Variants in TMEM135 observed in about 807,000 individuals in gnomAD.
TMEM135 encodes the protein transmembrane protein 135.
Under a neutral mutation model 60.3 loss-of-function variants are expected in TMEM135, and 30 were observed. The ratio of observed to expected loss-of-function variants is 0.50; its 90% confidence interval spans 0.37 to 0.68. The LOEUF is 0.68. Ranked by LOEUF, TMEM135 falls within the 30% of genes least tolerant of loss-of-function variation. TMEM135 has a pLI of 0.00. For synonymous variants in TMEM135, 190 were observed against 186.7 expected, an observed-to-expected ratio of 1.02 and a Z score of -0.14; for missense variants, 468 against 548.8, an observed-to-expected ratio of 0.85 and a Z score of 1.47.
At position 87,101,266 on chromosome 11, in the gene TMEM135, A is replaced by G. The variant is rs559406672; in HGVS notation, c.396+9871A>G. On this transcript the variant is annotated intron_variant, in intron 4 of 14. Transcript: ENST00000305494. ...TACCCATAAGAGAACACTTGCTGTT[A>G]GAATTTAACTTTGCCACAGTATGAT... is the stretch of plus-strand genomic sequence containing the variant. 8.5e-5 allele frequency among the ~76,000 whole-genome samples: 13 copies of G among 152,332 alleles called. No individual in the cohort carries two copies. In the South Asian group the frequency reaches 2.7e-3, roughly 32 times the overall value.
intron 6 of TMEM135, among the ~76,000 whole-genome samples, chr11:87,251,668 C>T (rs1230639807): frequency 1.3e-5 from 2 of 152,006 alleles, no homozygotes; most frequent in African/African-American, 2.4e-5. Context: ...AACCTTCCTA[C>T]ATGTGATATA....
intron 1 of TMEM135, among the ~76,000 whole-genome samples, chr11:87,051,570 A>T (rs1299718737): frequency 1.5e-5 from 1 of 65,182 alleles, no homozygotes; most frequent in South Asian, 4.8e-4. Context: ...CAATTGCTTC[A>T]AAGAGAATAA....
intron 6 of TMEM135, among the ~76,000 whole-genome samples, chr11:87,247,251 G>A (rs764708583): frequency 3.9e-5 from 6 of 152,256 alleles, no homozygotes; most frequent in Admixed American, 6.5e-5. Flanking sequence ...GTGAGGTGTC[G>A]GTCTGCCCCT....
intron 6 of TMEM135, 124 bp from the exon 7 acceptor site, chr11:87,295,658 C>G: frequency 1.4e-6 from 1 of 725,522 alleles, no homozygotes; most frequent in Non-Finnish European, 2.3e-6. Context: ...TTTGACCATT[C>G]ATAATGTTCA....
At chr11:87,157,509 A>G in intron 5 of TMEM135, 103 bp downstream of exon 5, 1 of 1,008,434 alleles carries the variant, frequency 9.9e-7, no homozygotes, top group South Asian at 1.3e-5. Flanking sequence ...TAAGAAATAG[A>G]GAGATATCTG....
At chr11:87,209,182 A>G (rs1334288300) in intron 5 of TMEM135, among the ~76,000 whole-genome samples, 2 of 152,216 alleles carry the variant, frequency 1.3e-5, no homozygotes, top group Admixed American at 1.3e-4. Flanking sequence ...CAATGACAGG[A>G]TCAAATCCTC....
chr11:87,159,545 A>G (rs1479494796), intron 5 of TMEM135, among the ~76,000 whole-genome samples: 1 of 151,882 alleles, frequency 6.6e-6, no homozygotes, highest in Non-Finnish European at 1.5e-5. Context: ...GATTTTTGGA[A>G]GTAGAGGAGA....
chr11:87,071,674 A>AT (rs5793233), intron 3 of TMEM135, 59 bp downstream of exon 3: 112,307 of 1,076,116 alleles, frequency 0.1, 1,025 homozygotes, highest in East Asian at 0.16. Flanking sequence ...CCCAACTATA[A>AT]TTTTTTTTTT....
At chr11:87,120,472 CTTT>C (rs541561365) in intron 4 of TMEM135, among the ~76,000 whole-genome samples, 4 of 104,238 alleles carry the variant, frequency 3.8e-5, no homozygotes. Context: ...GATGAAATTT[CTTT>C]TTTTTTTTTT....
intron 6 of TMEM135, among the ~76,000 whole-genome samples, chr11:87,284,718 A>G (rs1591168073): frequency 6.6e-6 from 1 of 152,254 alleles, no homozygotes; most frequent in Non-Finnish European, 1.5e-5. Context: ...AAGGAATTCT[A>G]TTGGAAGTTA....
chr11:87,247,908 T>G (rs1347681712), intron 6 of TMEM135, among the ~76,000 whole-genome samples: 1 of 151,856 alleles, frequency 6.6e-6, no homozygotes, highest in Non-Finnish European at 1.5e-5. Context: ...ATAAACCCGG[T>G]ACCTCAGATG....
At chr11:87,118,915 T>C (rs772111989) in intron 4 of TMEM135, among the ~76,000 whole-genome samples, 8 of 151,956 alleles carry the variant, frequency 5.3e-5, no homozygotes, top group African/African-American at 1.9e-4. Flanking sequence ...TTGCTCTGGA[T>C]TAGGTTTTGG....
intron 3 of TMEM135, among the ~76,000 whole-genome samples, chr11:87,077,214 T>TA (rs563318189): frequency 6.6e-6 from 1 of 152,256 alleles, no homozygotes; most frequent in Non-Finnish European, 1.5e-5. Flanking sequence ...TCGAGGAAGT[T>TA]ATATAAATGG....
intron 6 of TMEM135, among the ~76,000 whole-genome samples, chr11:87,284,699 C>T (rs1942131949): frequency 6.6e-6 from 1 of 152,188 alleles, no homozygotes; most frequent in Admixed American, 6.5e-5. Flanking sequence ...TGGGGAATTT[C>T]ACTATTTAAA....
chr11:87,166,174 G>GT (rs1229720584), intron 5 of TMEM135, among the ~76,000 whole-genome samples: 1 of 151,478 alleles, frequency 6.6e-6, no homozygotes, highest in Non-Finnish European at 1.5e-5. Context: ...GGGGCTGTTT[G>GT]TTTTTTTCTT....
intron 5 of TMEM135, among the ~76,000 whole-genome samples, chr11:87,217,748 C>T (rs543163732): frequency 7.9e-5 from 12 of 151,702 alleles, no homozygotes; most frequent in African/African-American, 2.9e-4. Context: ...CGTGCCATTG[C>T]ACTCCAGCCT....
intron 6 of TMEM135, among the ~76,000 whole-genome samples, chr11:87,246,954 T>C (rs550072951): frequency 7.0e-6 from 1 of 142,422 alleles, no homozygotes; most frequent in African/African-American, 2.6e-5. Context: ...CCAGTTTTTC[T>C]GTTCTGTTTT....
chr11:87,082,315 G>C (rs189901092), intron 3 of TMEM135, among the ~76,000 whole-genome samples: 4 of 152,178 alleles, frequency 2.6e-5, no homozygotes, highest in Non-Finnish European at 5.9e-5. Context: ...AAGTATTCTT[G>C]ACTTACCACG....
At chr11:87,273,916 T>C (rs1175524416) in intron 6 of TMEM135, among the ~76,000 whole-genome samples, 1 of 152,180 alleles carries the variant, frequency 6.6e-6, no homozygotes, top group Non-Finnish European at 1.5e-5. Flanking sequence ...TTGGTAAACA[T>C]TGTTTACTTT....
Sources: gnomAD v4.1 joint callset for allele counts (sites outside exome capture counted in the v4.1 genomes callset) on GRCh38, gnomAD v4.1.1 for gene constraint, MANE v1.5 for transcripts, NCBI Gene and HGNC (gene_info 2026-07-23, HGNC 2026-07-21) for gene names.